The following PEX5L variants were observed in gnomAD, a reference collection of about 807,000 sequenced individuals.
The protein encoded by PEX5L is PEX5-related protein.
PEX5L carries 30 observed loss-of-function variants against 84.0 expected under a neutral mutation model. The observed-to-expected ratio is 0.36, with a 90% CI of 0.27 to 0.48. The LOEUF is 0.48. PEX5L is among the 20% of genes least tolerant of loss of function. The pLI, the probability that PEX5L is intolerant of heterozygous loss-of-function variation, is 0.99. For missense variants in PEX5L, 533 were observed against 754.6 expected, an observed-to-expected ratio of 0.71 and a Z score of 3.44; for synonymous variants, 270 against 283.1, an observed-to-expected ratio of 0.95 and a Z score of 0.46.
intron 2 of PEX5L, among the ~76,000 whole-genome samples, chr3:179,928,540 C>T (rs1047351340): frequency 2.0e-5 from 3 of 152,298 alleles, no homozygotes; most frequent in South Asian, 4.1e-4. Context: ...GGTGGGTAGG[C>T]AGTGGACAGC....
At chr3:179,897,396 T>C (rs2108975047) in intron 3 of PEX5L, among the ~76,000 whole-genome samples, 1 of 152,296 alleles carries the variant, frequency 6.6e-6, no homozygotes, top group East Asian at 1.9e-4. Context: ...ACATTATACA[T>C]ATTTATGTAG....
intron 1 of PEX5L, among the ~76,000 whole-genome samples, chr3:179,983,735 C>A (rs1297884688): frequency 1.3e-5 from 2 of 151,828 alleles, no homozygotes; most frequent in Non-Finnish European, 2.9e-5. Context: ...AGAAAACAAC[C>A]AATAATGTTT....
chr3:179,973,714 C>T (rs576475852), intron 1 of PEX5L: 2 of 985,334 alleles, frequency 2.0e-6, no homozygotes, highest in South Asian at 9.4e-5. Context: ...CCAAAGTCCG[C>T]CTCTCCAATC....
chr3:179,990,192 C>T (rs1378409403), intron 1 of PEX5L, among the ~76,000 whole-genome samples: 2 of 152,142 alleles, frequency 1.3e-5, no homozygotes, highest in African/African-American at 2.4e-5. Flanking sequence ...TTTCTAGTGT[C>T]TTCCAGTCCC....
At chr3:179,972,284 CTT>C (rs150433099) in intron 1 of PEX5L, among the ~76,000 whole-genome samples, 1 of 144,742 alleles carries the variant, frequency 6.9e-6, no homozygotes, top group Non-Finnish European at 1.5e-5. Flanking sequence ...TGTAAATGCA[CTT>C]TTTTTTTTTT....
At chr3:179,928,538 G>A (rs1485738628) in intron 2 of PEX5L, among the ~76,000 whole-genome samples, 2 of 152,158 alleles carry the variant, frequency 1.3e-5, no homozygotes, top group East Asian at 3.8e-4. Context: ...ATGGTGGGTA[G>A]GCAGTGGACA....
At chr3:179,872,129 C>T (rs1577879832) in intron 7 of PEX5L, among the ~76,000 whole-genome samples, 2 of 152,352 alleles carry the variant, frequency 1.3e-5, no homozygotes, top group East Asian at 3.9e-4. Context: ...AAGTGATCTA[C>T]TGCCTCGGCC....
chr3:179,889,957 A>G (rs3774248), intron 3 of PEX5L, among the ~76,000 whole-genome samples: 22,864 of 152,202 alleles, frequency 0.15, 1,842 homozygotes, highest in South Asian at 0.31. Context: ...CTAGAAAATG[A>G]TGAAATAGCT....
chr3:179,849,204 G>A lies in PEX5L; in HGVS notation c.822+9858C>T, dbSNP rs140594853. Among the ~76,000 whole-genome samples, 163 of 152,174 alleles carry A rather than the reference G, an allele frequency of 1.1e-3. 1 individual carries two copies. Among genetic ancestry groups the A allele is most frequent in the African/African-American group, 3.7e-3 (155 of 41,510 alleles). ...AAACTTTATAACTTTTGTCATTTCT[G>A]TACTTTATTGCTATTTATACAATGT... On this transcript the variant is annotated intron_variant, in intron 8 of 14. Transcript: ENST00000467460.
At chr3:179,876,442 G>A (rs1361339069) in intron 5 of PEX5L, among the ~76,000 whole-genome samples, 6 of 151,658 alleles carry the variant, frequency 4.0e-5, no homozygotes, top group Non-Finnish European at 5.9e-5. Flanking sequence ...GGTTGCAGTG[G>A]GCCCAGATTG....
At chr3:179,953,784 G>A (rs1205954248) in intron 2 of PEX5L, among the ~76,000 whole-genome samples, 2 of 152,132 alleles carry the variant, frequency 1.3e-5, no homozygotes, top group Non-Finnish European at 2.9e-5. Context: ...GGTGCAAACA[G>A]CCTCGCCGAT....
chr3:179,865,165 G>A (rs1001896318), intron 7 of PEX5L, among the ~76,000 whole-genome samples: 3 of 152,176 alleles, frequency 2.0e-5, no homozygotes, highest in Admixed American at 1.3e-4. Context: ...AGTGCAAATA[G>A]AATCTTACTG....
intron 2 of PEX5L, among the ~76,000 whole-genome samples, chr3:179,919,848 G>A (rs1768664710): frequency 2.0e-5 from 3 of 152,174 alleles, no homozygotes; most frequent in South Asian, 4.2e-4. Flanking sequence ...GATTATAGGT[G>A]TGTGCCACCA....
rs569921488 is a variant in PEX5L at position 179,811,687 on chromosome 3, C to T, written c.1154+114G>A. ...TGATATGCGGTATCTCAGCACTTAT[C>T]CTTTACAAATTCTTTACACTGTACT... is the stretch of plus-strand genomic sequence containing the variant. On this transcript the variant is annotated intron_variant, in intron 11 of 14. Coordinates refer to ENST00000467460, the MANE Select transcript of PEX5L (RefSeq NM_016559.3). 2.4e-5 allele frequency: 20 copies of T among 822,440 alleles called. No individual in the cohort carries two copies. In the African/African-American group the frequency reaches 3.2e-4, roughly 13 times the overall value. The allele number at this position is 822,440 out of a possible 1,614,324, so 50.9% of individuals were successfully genotyped here. A position where few individuals can be genotyped will look rare whatever the true frequency, so the allele number is the denominator to read the frequency against.
chr3:179,816,091 A>G (rs1577211614), intron 9 of PEX5L, 87 bp from the exon 10 acceptor site: 2 of 1,299,706 alleles, frequency 1.5e-6, no homozygotes, highest in African/African-American at 2.9e-5. Context: ...AAAGTCAGGA[A>G]ACAACAGATG....
rs542977323 is a variant in PEX5L, at chr3:179,897,264, G to A, written c.198+878C>T. ...ATAATCGGAACTGAATCATATAATC[G>A]GAACTGAATGGAAAAAATGAAATGT... On this transcript the variant is annotated intron_variant, in intron 3 of 14. Coordinates refer to ENST00000467460, the MANE Select transcript of PEX5L (RefSeq NM_016559.3). Among the ~76,000 whole-genome samples the A allele has an allele frequency of 1.2e-3, 178 of 151,904 alleles. 1 individual carries two copies. Among genetic ancestry groups the A allele is most frequent in the Middle Eastern group, 3.4e-3 (1 of 294 alleles).
intron 7 of PEX5L, among the ~76,000 whole-genome samples, chr3:179,871,914 T>A (rs755918968): frequency 7.2e-5 from 11 of 152,128 alleles, no homozygotes; most frequent in Admixed American, 2.0e-4. Context: ...TGAGACAGGG[T>A]GTTGCTCTGT....
chr3:179,899,182 T>C (rs1246562988), intron 2 of PEX5L, among the ~76,000 whole-genome samples: 1 of 152,148 alleles, frequency 6.6e-6, no homozygotes. Flanking sequence ...CTAGATATGG[T>C]ATAATGGGAA....
Position 179,795,428 on chromosome 3 carries a change from G to T in PEX5L, c.*6400C>A, listed in dbSNP as rs946865455. 2 of 152,140 alleles carry T rather than the reference G, an allele frequency of 1.3e-5. No homozygotes were observed. The highest frequency in any genetic ancestry group is 3.8e-4 in the East Asian group (2 of 5,200). The allele number at this position is 152,140 out of a possible 1,614,324, so 9.4% of individuals were successfully genotyped here. A position where few individuals can be genotyped will look rare whatever the true frequency, so the allele number is the denominator to read the frequency against. On this transcript the variant is annotated 3_prime_UTR_variant, in exon 15 of 15. Coordinates refer to ENST00000467460, the MANE Select transcript of PEX5L (RefSeq NM_016559.3). ...AATATGATAAGAGGTTATTTTTATG[G>T]TAGTAATTTTATTTCAAAGAGCAAC...
Sources: allele counts gnomAD v4.1 joint callset (sites outside exome capture counted in the v4.1 genomes callset), GRCh38; gene constraint gnomAD v4.1.1; transcripts MANE v1.5; gene names NCBI Gene and HGNC (gene_info 2026-07-23, HGNC 2026-07-21).